The following FMNL1 variants were observed in gnomAD, a reference collection of about 807,000 sequenced individuals.
FMNL1 encodes the protein formin like 1, also known as formin-like protein 1.
A neutral mutation model predicts 121.3 loss-of-function variants in FMNL1; 43 were observed. The ratio of observed to expected loss-of-function variants is 0.35; its 90% confidence interval spans 0.28 to 0.46. The LOEUF (loss-of-function observed/expected upper bound fraction) is 0.46, where lower values mean the gene tolerates loss of function less well. FMNL1 is among the 20% of genes least tolerant of loss of function. The pLI, the probability that FMNL1 is intolerant of heterozygous loss-of-function variation, is 1.00. For synonymous variants in FMNL1, 613 were observed against 613.5 expected (o/e 1.00, Z 0.01); for missense variants, 1,191 against 1,482.4 (o/e 0.80, Z 3.23).
chr17:45,238,663 G>A (rs2043607575), intron 10 of FMNL1, 25 bp downstream of exon 10: 6 of 1,613,850 alleles, frequency 3.7e-6, no homozygotes, highest in African/African-American at 1.3e-5. Flanking sequence ...CCAGCAGCCT[G>A]AGGCCTGGGC....
At position 45,241,219 on chromosome 17, in the gene FMNL1, G is replaced by C. The variant is rs1196222115; in HGVS notation, c.1321G>C (p.Glu441Gln). The C allele has an allele frequency of 6.2e-7, 1 of 1,614,092 alleles. No homozygotes were observed. Among genetic ancestry groups the C allele is most frequent in the Non-Finnish European group, 8.5e-7 (1 of 1,179,994 alleles). The change falls in exon 13 of 27, where the codon GAG (glutamate) becomes CAG (glutamine). Residue 441 changes from glutamate (E) to glutamine (Q), a missense_variant. Transcript: ENST00000331495. The surrounding 1 kb of genome is among the most constrained non-coding windows in gnomAD (Gnocchi z 7.0). ...GCTAAGCCAGGCGCGCAAGGAGTTG[G>C]AGACCCTGCGGGTGAGGCTGGGGCG... Reference protein sequence around the residue: ...KQLSQARKELETLRERFSEST... With the variant: ...KQLSQARKELQTLRERFSEST...
At chr17:45,236,075 TG>T (rs2043542397) in intron 6 of FMNL1, 60 bp from the exon 7 acceptor site, 2 of 1,397,026 alleles carry the variant, frequency 1.4e-6, no homozygotes, top group Non-Finnish European at 2.0e-6. Flanking sequence ...GGCTGAGTGG[TG>T]GGGAAACAGG....
intron 11 of FMNL1, 23 bp downstream of exon 11, chr17:45,239,088 G>A (rs769249483): frequency 6.3e-7 from 1 of 1,588,804 alleles, no homozygotes; most frequent in Non-Finnish European, 8.6e-7. Flanking sequence ...CTGCCCCCCA[G>A]ACTGAACTGC....
In FMNL1 at chr17:45,233,896, G is replaced by A. The variant is rs1322899690; in HGVS notation, c.485+165G>A. ...TGCTCCTTCCAGAAGGCCTGCCCCC[G>A]ACAGGGAGGGGTGGCCTCTCTTCCA... On this transcript the variant is annotated intron_variant, in intron 5 of 26. Coordinates refer to ENST00000331495, the MANE Select transcript of FMNL1 (RefSeq NM_005892.4). This position sits in a 1 kb window ranked among gnomAD's most constrained non-coding sequence, Gnocchi z 4.1. 61 of 1,316,454 alleles carry A rather than the reference G, an allele frequency of 4.6e-5. No homozygotes were observed. Among genetic ancestry groups the A allele is most frequent in the Non-Finnish European group, 5.6e-5 (54 of 971,508 alleles). The allele number at this position is 1,316,454 out of a possible 1,614,324, so 81.5% of individuals were successfully genotyped here. A position where few individuals can be genotyped will look rare whatever the true frequency, so the allele number is the denominator to read the frequency against.
At position 45,232,715 on chromosome 17, in the gene FMNL1, A is replaced by G. The variant is rs2043464883; in HGVS notation, c.327+235A>G. ...TTACATGGACACATTCTGTGTACTTATACTGTGTGTATACACATGTGCAGC... is the reference window on the plus strand; with the variant it reads ...TTACATGGACACATTCTGTGTACTTGTACTGTGTGTATACACATGTGCAGC... On this transcript the variant is annotated intron_variant, in intron 3 of 26. Transcript: ENST00000331495. 6.5e-6 allele frequency: 4 copies of G among 611,854 alleles called. No individual in the cohort carries two copies. The African/African-American group carries it at 7.3e-5, about 11-fold the overall frequency. 37.9% of individuals were successfully genotyped at this position (611,854 alleles called of 1,614,324 possible). A position where few individuals can be genotyped will look rare whatever the true frequency, so the allele number is the denominator to read the frequency against.
In FMNL1 at chr17:45,233,543, TGGGGGTTGAAA is replaced by T. The variant is rs1343525747; in HGVS notation, c.402-101_402-91del. On this transcript the variant is annotated intron_variant, in intron 4 of 26. Transcript: ENST00000331495. The surrounding 1 kb of genome is among the most constrained non-coding windows in gnomAD (Gnocchi z 4.1). ...GAATCCTTTGGTATCATTGGGTCTT[TGGGGGTTGAAA>T]GGGCACCCCAGGGGTCCTTGCTGTC... The T allele has an allele frequency of 7.6e-7, 1 of 1,317,456 alleles. No homozygotes were observed. Among genetic ancestry groups the T allele is most frequent in the Non-Finnish European group, 1.1e-6 (1 of 933,886 alleles). The allele number at this position is 1,317,456 out of a possible 1,614,324, so 81.6% of individuals were successfully genotyped here. A position where few individuals can be genotyped will look rare whatever the true frequency, so the allele number is the denominator to read the frequency against.
chr17:45,222,583 G>T (rs1293532413), intron 1 of FMNL1, among the ~76,000 whole-genome samples: 1 of 151,952 alleles, frequency 6.6e-6, no homozygotes, highest in East Asian at 1.9e-4. Flanking sequence ...CTTCCCCACT[G>T]CACGCAGGCC....
chr17:45,227,113 C>A (rs948725501), intron 1 of FMNL1, among the ~76,000 whole-genome samples: 1 of 151,744 alleles, frequency 6.6e-6, no homozygotes, highest in Admixed American at 6.6e-5. Context: ...CTGGGCCCAT[C>A]GGGCTGAGGA....
rs539948355 is a variant in FMNL1, at chr17:45,231,641, G to T, written c.214-726G>T. 2.8e-4 allele frequency among the ~76,000 whole-genome samples: 42 copies of T among 152,234 alleles called. No individual in the cohort carries two copies. Among genetic ancestry groups the T allele is most frequent in the South Asian group, 6.2e-4 (3 of 4,826 alleles). On this transcript the variant is annotated intron_variant, in intron 2 of 26. Coordinates refer to ENST00000331495, the MANE Select transcript of FMNL1 (RefSeq NM_005892.4). This position sits in a 1 kb window ranked among gnomAD's most constrained non-coding sequence, Gnocchi z 4.7. The stretch of plus-strand genomic sequence containing the variant: ...GCCCCTCTGGGGAGGGGTCTTTGCC[G>T]TGGTCCCTGCCTCTTTGTGTGAGTG...
chr17:45,247,270 C>A lies in FMNL1; in HGVS notation c.*412C>A. On this transcript the variant is annotated 3_prime_UTR_variant, in exon 27 of 27. Coordinates refer to ENST00000331495, the MANE Select transcript of FMNL1 (RefSeq NM_005892.4). ...CCCCGCAAGCCCCAGCCCCGAGGACCGTCCATGGACCTTATTTTTATATGA... is the reference window on the plus strand; with the variant it reads ...CCCCGCAAGCCCCAGCCCCGAGGACAGTCCATGGACCTTATTTTTATATGA... 2.5e-6 allele frequency: 1 copy of A among 397,440 alleles called. No homozygotes were observed. 24.6% of individuals were successfully genotyped at this position (397,440 alleles called of 1,614,324 possible).
intron 19 of FMNL1, among the ~76,000 whole-genome samples, chr17:45,244,445 G>A (rs745784323): frequency 3.9e-5 from 6 of 152,230 alleles, no homozygotes; most frequent in Admixed American, 6.5e-5. Context: ...GGACCCTGCC[G>A]GAGGGCTCAG....
intron 11 of FMNL1, among the ~76,000 whole-genome samples, chr17:45,239,812 T>C (rs180908132): frequency 6.6e-6 from 1 of 151,940 alleles, no homozygotes; most frequent in Admixed American, 6.5e-5. Context: ...TGCTTTTTTT[T>C]TGAGATGGAG....
chr17:45,236,270 G>A (rs1219871014), intron 7 of FMNL1, 26 bp downstream of exon 7: 13 of 1,595,546 alleles, frequency 8.1e-6, no homozygotes, highest in Admixed American at 6.7e-5. Context: ...TGGGACTGGC[G>A]ACTAGGGAGC....
intron 7 of FMNL1, 129 bp downstream of exon 7, chr17:45,236,373 T>G (rs1226528818): frequency 1.7e-5 from 12 of 720,802 alleles, no homozygotes; most frequent in Non-Finnish European, 2.7e-5. Context: ...CTTGCGCATC[T>G]GGGCTGTTGG....
At position 45,222,066 on chromosome 17, in the gene FMNL1, C is replaced by T. The variant is rs2043236809; in HGVS notation, c.-59C>T. ...CCCGGGCCGGGAGCCTCGTCCCCGT[C>T]CCCCGGAAAGCTGGATTTCCGAGGC... On this transcript the variant is annotated 5_prime_UTR_variant, in exon 1 of 27. Transcript: ENST00000331495. The T allele has an allele frequency of 2.7e-6, 3 of 1,131,046 alleles. No homozygotes were observed. The highest frequency in any genetic ancestry group is 3.2e-6 in the Non-Finnish European group (3 of 923,444). 70.1% of individuals were successfully genotyped at this position (1,131,046 alleles called of 1,614,324 possible). A position where few individuals can be genotyped will look rare whatever the true frequency, so the allele number is the denominator to read the frequency against.
In FMNL1 at chr17:45,233,404, G is replaced by A. The variant is rs2043482112; in HGVS notation, c.401+107G>A. 8.1e-7 allele frequency: 1 copy of A among 1,231,684 alleles called. No homozygotes were observed. The highest frequency in any genetic ancestry group is 2.4e-5 in the Admixed American group (1 of 42,296). 76.3% of individuals were successfully genotyped at this position (1,231,684 alleles called of 1,614,324 possible). On this transcript the variant is annotated intron_variant, in intron 4 of 26. Coordinates refer to ENST00000331495, the MANE Select transcript of FMNL1 (RefSeq NM_005892.4). The surrounding 1 kb of genome is among the most constrained non-coding windows in gnomAD (Gnocchi z 4.1). ...CCCCCTGCCCCCTGCACAAGGCTGT[G>A]CTTGTGGACCACCTCCTGGAGGTGT...
chr17:45,241,364 C>T lies in FMNL1; in HGVS notation c.1333-18C>T. 6.3e-7 allele frequency: 1 copy of T among 1,578,124 alleles called. No homozygotes were observed. Among genetic ancestry groups the T allele is most frequent in the Non-Finnish European group, 8.6e-7 (1 of 1,162,452 alleles). On this transcript the variant is annotated intron_variant, in intron 13 of 26. Transcript: ENST00000331495. This position sits in a 1 kb window ranked among gnomAD's most constrained non-coding sequence, Gnocchi z 7.0. ...GGAGCCTGCTGGTGGGCACTGACCC[C>T]TCCCGTGGGGTTCGTAGGAGCGCTT...
rs138651184 is a variant in FMNL1, at chr17:45,237,592, C to A, written c.847C>A (p.Arg283=). Residue 283 remains arginine (R), a synonymous_variant, in exon 9 of 27, where the codon CGG becomes AGG. Transcript: ENST00000331495. The surrounding 1 kb of genome is among the most constrained non-coding windows in gnomAD (Gnocchi z 4.4). ...GCTGCTGGCGGCCGTGTGCTTGGTG[C>A]GGGGAGGACATGACATCATCCTTGC... is the stretch of plus-strand genomic sequence containing the variant. ...LELLAAVCLV[R]GGHDIILAAF... 8.7e-6 allele frequency: 14 copies of A among 1,614,008 alleles called. No individual in the cohort carries two copies. Among genetic ancestry groups the A allele is most frequent in the Non-Finnish European group, 1.2e-5 (14 of 1,180,024 alleles).
At chr17:45,236,764 C>T (rs918836026) in intron 7 of FMNL1, among the ~76,000 whole-genome samples, 6 of 152,092 alleles carry the variant, frequency 3.9e-5, no homozygotes, top group African/African-American at 1.4e-4. Context: ...AATTTGAGAT[C>T]AGCCTGGGCA....
Sources: allele counts gnomAD v4.1 joint callset (sites outside exome capture counted in the v4.1 genomes callset), GRCh38; gene constraint gnomAD v4.1.1; non-coding constraint Gnocchi (gnomAD v3.1); transcripts MANE v1.5; gene names NCBI Gene and HGNC (gene_info 2026-07-23, HGNC 2026-07-21).